The following OVCH2 variants were observed in gnomAD, a reference collection of about 807,000 sequenced individuals.
The protein encoded by OVCH2 is ovochymase-2.
A neutral mutation model predicts 73.7 loss-of-function variants in OVCH2; 88 were observed. The ratio of observed to expected loss-of-function variants is 1.19; its 90% CI spans 1.01 to 1.43. The LOEUF is 1.43. Among genes scored for constraint, OVCH2 ranks in the 40% most tolerant of loss-of-function variants. The pLI is 0.00. For synonymous variants in OVCH2, 265 were observed against 234.5 expected, an observed-to-expected ratio of 1.13 and a Z score of -1.19; for missense variants, 706 against 674.5, an observed-to-expected ratio of 1.05 and a Z score of -0.52.
At chr11:7,703,161 G>T (rs1374670474) in intron 3 of OVCH2, among the ~76,000 whole-genome samples, 1 of 152,174 alleles carries the variant, frequency 6.6e-6, no homozygotes, top group African/African-American at 2.4e-5. Flanking sequence ...ATGGGAACAT[G>T]ATCTTGATTA....
At chr11:7,681,424 G>A in the OVCH2 span, among the ~76,000 whole-genome samples, 11 of 152,120 alleles carry the variant, frequency 7.2e-5, no homozygotes, top group African/African-American at 2.4e-4. Context: ...GCAACGTGGG[G>A]CTAACATGGG....
At chr11:7,692,764 G>C (rs865959281) in intron 12 of OVCH2, among the ~76,000 whole-genome samples, 1 of 152,144 alleles carries the variant, frequency 6.6e-6, no homozygotes, top group African/African-American at 2.4e-5. Context: ...GCTATGATGA[G>C]TAATGACCTA....
At chr11:7,701,205 T>C (rs1010119587) in intron 6 of OVCH2, 119 bp downstream of exon 6, 6 of 1,276,022 alleles carry the variant, frequency 4.7e-6, no homozygotes, top group Non-Finnish European at 6.3e-6. Context: ...TTCTTTATTC[T>C]ACCCCTCCAA....
chr11:7,701,105 CA>C (rs1856429370), intron 6 of OVCH2, among the ~76,000 whole-genome samples: 1 of 152,194 alleles, frequency 6.6e-6, no homozygotes, highest in African/African-American at 2.4e-5. Context: ...CACCTGATAA[CA>C]GGTGAGCCTC....
chr11:7,701,302 C>T (rs1856432041), intron 6 of OVCH2, 22 bp downstream of exon 6: 2 of 1,584,160 alleles, frequency 1.3e-6, no homozygotes, highest in African/African-American at 2.7e-5. Context: ...TGGGGCCTGA[C>T]AGCCCCGCAG....
chr11:7,694,613 T>TTTGTTTTG (rs1651102461), intron 12 of OVCH2, among the ~76,000 whole-genome samples: 1 of 13,160 alleles, frequency 7.6e-5, no homozygotes, highest in Non-Finnish European at 1.8e-4. Flanking sequence ...AAAGTTTTTG[T>TTTGTTTTG]TTTGTTTTGT....
Position 7,695,560 on chromosome 11 carries a change from A to G in OVCH2, c.1282+10T>C, listed in dbSNP as rs962633855. 2 of 1,608,876 alleles carry G rather than the reference A, an allele frequency of 1.2e-6. No individual in the cohort carries two copies. Among genetic ancestry groups the G allele is most frequent in the Non-Finnish European group, 1.7e-6 (2 of 1,176,226 alleles). Reference sequence around the variant, plus strand: ...GGAGATAGTATGTGATTAAAAGTAAATGGTTTTACCAGGAATGTAGTTTGG... The same window carrying G: ...GGAGATAGTATGTGATTAAAAGTAAGTGGTTTTACCAGGAATGTAGTTTGG... On this transcript the variant is annotated intron_variant, in intron 11 of 15. Transcript: ENST00000533663.
chr11:7,686,088 A>G (rs1182130095), downstream of OVCH2, among the ~76,000 whole-genome samples: 1 of 152,222 alleles, frequency 6.6e-6, no homozygotes, highest in Non-Finnish European at 1.5e-5. Context: ...CAGATTTATC[A>G]TTTGTATATT....
chr11:7,693,139 G>C (rs1310121416), intron 12 of OVCH2, among the ~76,000 whole-genome samples: 1 of 152,204 alleles, frequency 6.6e-6, no homozygotes, highest in African/African-American at 2.4e-5. Flanking sequence ...AGTGGTGGGA[G>C]AGAGGGCTGA....
chr11:7,686,216 G>A (rs1199928637), downstream of OVCH2, among the ~76,000 whole-genome samples: 1 of 152,160 alleles, frequency 6.6e-6, no homozygotes, highest in Non-Finnish European at 1.5e-5. Flanking sequence ...GATCTGGCTG[G>A]GGACTATTAC....
chr11:7,689,595 C>T lies in OVCH2; in HGVS notation c.*39G>A. ...GTGGTTTACTGACAGTCACTGGTGC[C>T]CCTTGGCCTGTAGATAATGTATTGC... On this transcript the variant is annotated 3_prime_UTR_variant, in exon 16 of 16. Coordinates refer to ENST00000533663, the MANE Select transcript of OVCH2 (RefSeq NM_198185.7). 2.1e-6 allele frequency: 1 copy of T among 470,934 alleles called. No individual in the cohort carries two copies. Among genetic ancestry groups the T allele is most frequent in the Non-Finnish European group, 4.2e-6 (1 of 237,120 alleles). 29.2% of individuals were successfully genotyped at this position (470,934 alleles called of 1,614,324 possible).
At chr11:7,683,278 C>A in the OVCH2 span, among the ~76,000 whole-genome samples, 1 of 152,176 alleles carries the variant, frequency 6.6e-6, no homozygotes, top group East Asian at 1.9e-4. Context: ...CGCTCCCCGC[C>A]CCGACCCCAA....
At chr11:7,696,386 G>A (rs948857914) in intron 10 of OVCH2, 79 bp downstream of exon 10, 2 of 1,560,260 alleles carry the variant, frequency 1.3e-6, no homozygotes, top group Admixed American at 1.7e-5. Flanking sequence ...AGATGGCTGA[G>A]TGCCAGACAT....
intron 4 of OVCH2, 96 bp downstream of exon 4, chr11:7,702,061 G>T: frequency 1.7e-6 from 2 of 1,161,958 alleles, no homozygotes; most frequent in Non-Finnish European, 1.2e-6. Context: ...ATCTCAAAGT[G>T]CATGACCCAG....
intron 14 of OVCH2, among the ~76,000 whole-genome samples, chr11:7,690,492 TAC>T (rs1280317998): frequency 2.0e-5 from 2 of 102,226 alleles, no homozygotes; most frequent in East Asian, 5.6e-4. Context: ...CTCTTAAGAT[TAC>T]ACATCTAGTA....
At chr11:7,681,394 GA>G in the OVCH2 span, among the ~76,000 whole-genome samples, 2 of 152,118 alleles carry the variant, frequency 1.3e-5, no homozygotes, top group Admixed American at 1.3e-4. Flanking sequence ...TGTGCCCATG[GA>G]AAACCTTGTG....
In OVCH2 at chr11:7,695,163, G is replaced by T; in HGVS notation, c.1308C>A (p.Val436=). 6.4e-7 allele frequency: 1 copy of T among 1,561,070 alleles called. No homozygotes were observed. The part of the protein sequence containing the change: ...IPDSGCSYLT[V]LFEEGLIQSL... ...TCTGTATGAGACCTTCTTCAAAAAG[G>T]ACAGTTAAGTAACTGCAACCTGAAT... is the stretch of plus-strand genomic sequence containing the variant. Residue 436 remains valine, a synonymous_variant, in exon 12 of 16, where the codon GTC becomes GTA. Coordinates refer to ENST00000533663, the MANE Select transcript of OVCH2 (RefSeq NM_198185.7).
chr11:7,694,198 A>G (rs1315996481), intron 12 of OVCH2, among the ~76,000 whole-genome samples: 1 of 152,158 alleles, frequency 6.6e-6, no homozygotes, highest in Non-Finnish European at 1.5e-5. Context: ...AAAATGCCTC[A>G]TTCCAATCTC....
chr11:7,703,827 C>A, intron 2 of OVCH2, 38 bp from the exon 3 acceptor site: 3 of 1,495,460 alleles, frequency 2.0e-6, no homozygotes, highest in Non-Finnish European at 2.7e-6. Flanking sequence ...CAAGTTCATG[C>A]CCTGGGATCC....
Sources: gnomAD v4.1 joint callset for allele counts (sites outside exome capture counted in the v4.1 genomes callset) on GRCh38, gnomAD v4.1.1 for gene constraint, MANE v1.5 for transcripts, NCBI Gene and HGNC (gene_info 2026-07-23, HGNC 2026-07-21) for gene names.